Variants in LRRC28 observed in about 807,000 individuals in gnomAD.
The protein encoded by LRRC28 is leucine rich repeat containing 28, also known as leucine-rich repeat-containing protein 28.
Under a neutral mutation model 45.7 loss-of-function variants are expected in LRRC28, and 39 were observed. The observed-to-expected ratio is 0.85, with a 90% confidence interval of 0.66 to 1.12. LRRC28 has a LOEUF of 1.12. Among genes scored for constraint, LRRC28 ranks in the 50% most tolerant of loss-of-function variants. The probability of loss-of-function intolerance (pLI) is 0.00; values close to 1 mark genes in which losing one functional copy is unlikely to be tolerated. For missense variants in LRRC28, 435 were observed against 438.5 expected, an observed-to-expected ratio of 0.99 and a Z score of 0.07; for synonymous variants, 206 against 178.8, an observed-to-expected ratio of 1.15 and a Z score of -1.22.
rs780828890 is a variant in LRRC28 at position 99,255,894 on chromosome 15, A to T, written c.-60-4A>T. The T allele has an allele frequency of 6.7e-7, 1 of 1,502,202 alleles. No individual in the cohort carries two copies. Among genetic ancestry groups the T allele is most frequent in the Non-Finnish European group, 8.9e-7 (1 of 1,123,508 alleles). The allele number at this position is 1,502,202 out of a possible 1,614,324, so 93.1% of individuals were successfully genotyped here. ...ATGAATAAATTTTCTCGTTCTCTTTATAGAAATGGACCAATTTTGACAAGA... is the reference window on the plus strand; with the variant it reads ...ATGAATAAATTTTCTCGTTCTCTTTTTAGAAATGGACCAATTTTGACAAGA... On this transcript the variant is annotated splice_region_variant and splice_polypyrimidine_tract_variant and intron_variant, in intron 1 of 9. Coordinates refer to ENST00000301981, the MANE Select transcript of LRRC28 (RefSeq NM_144598.5).
At chr15:99,342,238 G>C (rs567462640) in intron 6 of LRRC28, among the ~76,000 whole-genome samples, 1 of 152,152 alleles carries the variant, frequency 6.6e-6, no homozygotes, top group Non-Finnish European at 1.5e-5. Context: ...ACTACACCTG[G>C]ATGCCTTGGG....
chr15:99,287,984 T>C, intron 5 of LRRC28, 33 bp downstream of exon 5: 1 of 1,567,496 alleles, frequency 6.4e-7, no homozygotes, highest in African/African-American at 1.4e-5. Context: ...TATAGTTTCT[T>C]GTCTATTATA....
intron 9 of LRRC28, among the ~76,000 whole-genome samples, chr15:99,366,233 GA>G (rs1328082924): frequency 6.6e-6 from 1 of 152,082 alleles, no homozygotes; most frequent in Non-Finnish European, 1.5e-5. Context: ...GTGAGGGAGG[GA>G]TCTGTTCCAG....
intron 9 of LRRC28, among the ~76,000 whole-genome samples, chr15:99,364,024 G>T (rs1957277322): frequency 6.6e-6 from 1 of 152,118 alleles, no homozygotes; most frequent in Non-Finnish European, 1.5e-5. Flanking sequence ...CATAACTGAA[G>T]CCATTACCCC....
intron 4 of LRRC28, 139 bp from the exon 5 acceptor site, chr15:99,287,675 A>G (rs1478381014): frequency 8.5e-6 from 7 of 826,388 alleles, no homozygotes; most frequent in African/African-American, 1.7e-5. Flanking sequence ...ACTTAGTTTG[A>G]TCTGTGTTTT....
intron 9 of LRRC28, among the ~76,000 whole-genome samples, chr15:99,383,268 A>C (rs1341040971): frequency 6.6e-6 from 1 of 152,184 alleles, no homozygotes; most frequent in East Asian, 1.9e-4. Context: ...GGAGGCTTCT[A>C]CAGCATCCTA....
chr15:99,335,887 G>A (rs907327627), intron 6 of LRRC28, among the ~76,000 whole-genome samples: 1 of 152,096 alleles, frequency 6.6e-6, no homozygotes, highest in Non-Finnish European at 1.5e-5. Context: ...GGTTTGATTT[G>A]TGTGGCATGA....
chr15:99,389,802 T>A lies in LRRC28; in HGVS notation c.*3700T>A, dbSNP rs1027838787. On this transcript the variant is annotated 3_prime_UTR_variant, in exon 10 of 10. Transcript: ENST00000301981. ...AAGGGGGTTTTTATAAAGTTTGTAT[T>A]TTTGAAACTAGCTCTATGTCTATCT... The A allele has an allele frequency of 3.3e-5, 5 of 152,184 alleles. No homozygotes were observed. The highest frequency in any genetic ancestry group is 1.2e-4 in the African/African-American group (5 of 41,444). The allele number at this position is 152,184 out of a possible 1,614,324, so 9.4% of individuals were successfully genotyped here. A position where few individuals can be genotyped will look rare whatever the true frequency, so the allele number is the denominator to read the frequency against.
At chr15:99,356,673 T>C (rs1957056158) in intron 7 of LRRC28, among the ~76,000 whole-genome samples, 1 of 152,218 alleles carries the variant, frequency 6.6e-6, no homozygotes, top group Non-Finnish European at 1.5e-5. Context: ...TTCCCAAATT[T>C]GATGAGAAAC....
rs543683069 is a variant in LRRC28, at chr15:99,274,688, G to A, written c.169-1888G>A. Among the ~76,000 whole-genome samples the A allele has an allele frequency of 2.0e-3, 300 of 152,186 alleles. 2 individuals carry two copies. Among genetic ancestry groups the A allele is most frequent in the Non-Finnish European group, 3.3e-3 (224 of 67,992 alleles). ...TAGTCAACTTTCTAGTACCTAACAC[G>A]TTAGTTTTTCTATTGACATGATTGT... is the stretch of plus-strand genomic sequence containing the variant. On this transcript the variant is annotated intron_variant, in intron 2 of 9. Coordinates refer to ENST00000301981, the MANE Select transcript of LRRC28 (RefSeq NM_144598.5).
chr15:99,360,966 T>C (rs1430213667), intron 7 of LRRC28: 2 of 157,742 alleles, frequency 1.3e-5, no homozygotes, highest in East Asian at 3.7e-4. Flanking sequence ...AACAAAGTAC[T>C]CTTTTTTTTT....
chr15:99,304,755 A>G (rs1955119448), intron 5 of LRRC28, among the ~76,000 whole-genome samples: 1 of 151,804 alleles, frequency 6.6e-6, no homozygotes. Flanking sequence ...CCTTATATAT[A>G]TTTCTTTATG....
At chr15:99,343,461 T>C (rs1460304858) in intron 6 of LRRC28, among the ~76,000 whole-genome samples, 2 of 152,214 alleles carry the variant, frequency 1.3e-5, no homozygotes, top group Non-Finnish European at 2.9e-5. Flanking sequence ...ACAAACAGAA[T>C]TGGAGCTTGT....
At chr15:99,272,464 A>T (rs566595787) in intron 2 of LRRC28, among the ~76,000 whole-genome samples, 4 of 152,344 alleles carry the variant, frequency 2.6e-5, no homozygotes, top group African/African-American at 9.6e-5. Flanking sequence ...AGAAGGAAAG[A>T]AAGTAGGTAA....
intron 7 of LRRC28, among the ~76,000 whole-genome samples, chr15:99,353,240 G>C (rs1956942334): frequency 6.6e-6 from 1 of 152,054 alleles, no homozygotes; most frequent in African/African-American, 2.4e-5. Flanking sequence ...ACACCCCGGG[G>C]GCAACCTAAT....
At position 99,349,841 on chromosome 15, in the gene LRRC28, A is replaced by G. The variant is rs142792806; in HGVS notation, c.593-2528A>G. 3.9e-5 allele frequency among the ~76,000 whole-genome samples: 6 copies of G among 152,370 alleles called. No homozygotes were observed. The East Asian group carries it at 1.2e-3, about 29-fold the overall frequency. On this transcript the variant is annotated intron_variant, in intron 6 of 9. Coordinates refer to ENST00000301981, the MANE Select transcript of LRRC28 (RefSeq NM_144598.5). The stretch of plus-strand genomic sequence containing the variant: ...ATAGTTTTGAAATGTTCAAACTCAT[A>G]AGTAGAAAAATGCGGCCGGGCGCGG...
rs1263453477 is a variant in LRRC28 at position 99,387,270 on chromosome 15, C to T, written c.*1168C>T. 9.2e-5 allele frequency: 14 copies of T among 151,666 alleles called. No homozygotes were observed. Among genetic ancestry groups the T allele is most frequent in the African/African-American group, 4.8e-5 (2 of 41,338 alleles). 9.4% of individuals were successfully genotyped at this position (151,666 alleles called of 1,614,324 possible). A position where few individuals can be genotyped will look rare whatever the true frequency, so the allele number is the denominator to read the frequency against. ...AGAGACGGGGTTTCACCGTGTTAGC[C>T]GGGATGGTCTCGATCTCCTGACCTC... On this transcript the variant is annotated 3_prime_UTR_variant, in exon 10 of 10. Coordinates refer to ENST00000301981, the MANE Select transcript of LRRC28 (RefSeq NM_144598.5).
At chr15:99,377,590 T>C (rs1299968409) in intron 9 of LRRC28, among the ~76,000 whole-genome samples, 1 of 152,200 alleles carries the variant, frequency 6.6e-6, no homozygotes, top group Non-Finnish European at 1.5e-5. Context: ...CCATTGCTTT[T>C]GGTGTTTTAG....
chr15:99,264,728 C>CCTTTT (rs201118392), intron 2 of LRRC28, among the ~76,000 whole-genome samples: 3 of 152,254 alleles, frequency 2.0e-5, no homozygotes, highest in East Asian at 3.9e-4. Context: ...TCTATTCTTC[C>CCTTTT]CTTTTCTTTT....
Sources: allele counts gnomAD v4.1 joint callset (sites outside exome capture counted in the v4.1 genomes callset), GRCh38; gene constraint gnomAD v4.1.1; transcripts MANE v1.5; gene names NCBI Gene and HGNC (gene_info 2026-07-23, HGNC 2026-07-21).